Variants in SLC4A4 observed in about 807,000 individuals in gnomAD.
SLC4A4 encodes solute carrier family 4 member 4.
Under a neutral mutation model 111.5 loss-of-function variants are expected in SLC4A4, and 27 were observed. That is an observed-to-expected ratio of 0.24 (90% CI 0.18 to 0.33). The LOEUF is 0.33. Among genes scored for constraint, SLC4A4 ranks in the 10% least tolerant of loss-of-function variants. SLC4A4 has a pLI of 1.00. For synonymous variants in SLC4A4, 443 were observed against 463.4 expected (o/e 0.96, Z 0.57); for missense variants, 909 against 1,315.5 (o/e 0.69, Z 4.78).
chr4:71,510,142 C>T (rs1339022861), intron 16 of SLC4A4, among the ~76,000 whole-genome samples: 1 of 152,150 alleles, frequency 6.6e-6, no homozygotes, highest in East Asian at 1.9e-4. Context: ...CTTCTGGTAT[C>T]TCTGGTGGCT....
intron 2 of SLC4A4, among the ~76,000 whole-genome samples, chr4:71,145,228 C>T (rs945421994): frequency 1.1e-4 from 17 of 151,814 alleles, no homozygotes; most frequent in African/African-American, 3.6e-4. Flanking sequence ...GTCTTTGGTT[C>T]GTTTATATGC....
At chr4:71,093,415 G>A (rs964158630) in intron 2 of SLC4A4, among the ~76,000 whole-genome samples, 4 of 152,100 alleles carry the variant, frequency 2.6e-5, no homozygotes, top group African/African-American at 9.7e-5. Flanking sequence ...TGATCTGCCT[G>A]TCTCGGCTTC....
intron 5 of SLC4A4, among the ~76,000 whole-genome samples, chr4:71,353,429 A>G (rs1730021355): frequency 6.6e-6 from 1 of 152,210 alleles, no homozygotes; most frequent in Non-Finnish European, 1.5e-5. Context: ...CCAGATTTCC[A>G]GAAGTGGGGA....
intron 3 of SLC4A4, among the ~76,000 whole-genome samples, chr4:71,274,874 T>C (rs77489739): frequency 4.1e-4 from 62 of 152,288 alleles, no homozygotes; most frequent in African/African-American, 1.4e-3. Flanking sequence ...AATTAGTCAG[T>C]GAAAAAAGTT....
chr4:71,251,372 G>A (rs1721059129), intron 2 of SLC4A4, among the ~76,000 whole-genome samples: 1 of 152,316 alleles, frequency 6.6e-6, no homozygotes, highest in South Asian at 2.1e-4. Context: ...TAACATCATA[G>A]TACTTCCTAC....
intron 24 of SLC4A4, among the ~76,000 whole-genome samples, chr4:71,565,726 A>T (rs1657914199): frequency 6.6e-6 from 1 of 151,812 alleles, no homozygotes; most frequent in African/African-American, 2.4e-5. Context: ...TTCTTCTGCA[A>T]ATCTCTGTAA....
intron 3 of SLC4A4, among the ~76,000 whole-genome samples, chr4:71,323,328 A>G (rs1727262618): frequency 6.6e-6 from 1 of 151,954 alleles, no homozygotes; most frequent in Admixed American, 6.6e-5. Flanking sequence ...TATACATATT[A>G]TATAAGTTAA....
At chr4:71,133,217 A>G (rs1164453028) in intron 2 of SLC4A4, among the ~76,000 whole-genome samples, 1 of 152,188 alleles carries the variant, frequency 6.6e-6, no homozygotes, top group Non-Finnish European at 1.5e-5. Context: ...GGAACCATTA[A>G]GACATCTTCT....
intron 8 of SLC4A4, among the ~76,000 whole-genome samples, chr4:71,442,522 G>A (rs1324437225): frequency 6.6e-6 from 1 of 152,166 alleles, no homozygotes; most frequent in Non-Finnish European, 1.5e-5. Context: ...CTTTTTGTGT[G>A]TAGGTAATGT....
chr4:71,197,590 TC>T (rs1470901758), intron 1 of SLC4A4, among the ~76,000 whole-genome samples: 1 of 152,140 alleles, frequency 6.6e-6, no homozygotes, highest in Admixed American at 6.6e-5. Flanking sequence ...TTACTTAGCT[TC>T]CCCCAATGAA....
chr4:71,301,565 AG>A (rs1202325974), intron 3 of SLC4A4, among the ~76,000 whole-genome samples: 2 of 152,256 alleles, frequency 1.3e-5, no homozygotes. Flanking sequence ...CTCTACCTGC[AG>A]GCCCCAGCTC....
At position 71,320,052 on chromosome 4, in the gene SLC4A4, C is replaced by T. The variant is rs568440534; in HGVS notation, c.254-19318C>T. ...TAGGAATCAGCTGCTGCAAACACTT[C>T]ATTGATTACTTGGGGGAAGGATTGG... On this transcript the variant is annotated intron_variant, in intron 3 of 25. Transcript: ENST00000264485. Among the ~76,000 whole-genome samples the T allele has an allele frequency of 2.0e-5, 3 of 152,114 alleles. No individual in the cohort carries two copies. The South Asian group carries it at 6.2e-4, about 32-fold the overall frequency.
At chr4:71,119,851 C>A (rs1743369257) in intron 2 of SLC4A4, among the ~76,000 whole-genome samples, 1 of 152,176 alleles carries the variant, frequency 6.6e-6, no homozygotes, top group Non-Finnish European at 1.5e-5. Context: ...TTATATTGTG[C>A]ATTTCTTGAT....
intron 3 of SLC4A4, among the ~76,000 whole-genome samples, chr4:71,336,396 T>C (rs1728435913): frequency 6.6e-6 from 1 of 152,234 alleles, no homozygotes; most frequent in South Asian, 2.1e-4. Context: ...CTACAGTCTC[T>C]CTTGTTGTTA....
In SLC4A4 at chr4:71,330,139, C is replaced by T. The variant is rs570652049; in HGVS notation, c.254-9231C>T. On this transcript the variant is annotated intron_variant, in intron 3 of 25. Transcript: ENST00000264485. ...ATTGATTTGCATATATTGAACTATT[C>T]TTGCATCCCTGGGATAAATTTCACT... 2.7e-4 allele frequency among the ~76,000 whole-genome samples: 41 copies of T among 152,198 alleles called. No homozygotes were observed. The East Asian group carries it at 3.7e-3, about 14-fold the overall frequency.
At chr4:71,495,654 A>G (rs1379450922) in intron 15 of SLC4A4, among the ~76,000 whole-genome samples, 2 of 152,120 alleles carry the variant, frequency 1.3e-5, no homozygotes, top group Admixed American at 1.3e-4. Context: ...TTCTTTTATG[A>G]CTATATTACT....
chr4:71,490,010 A>G (rs1431125211), intron 15 of SLC4A4, among the ~76,000 whole-genome samples: 2 of 151,854 alleles, frequency 1.3e-5, no homozygotes, highest in Non-Finnish European at 2.9e-5. Flanking sequence ...CTATGTCTCA[A>G]GATAAAAAGG....
intron 16 of SLC4A4, among the ~76,000 whole-genome samples, chr4:71,523,313 T>C (rs950422914): frequency 1.3e-5 from 2 of 152,204 alleles, no homozygotes; most frequent in African/African-American, 4.8e-5. Context: ...AAAATAATTT[T>C]TAAAGTCAAA....
intron 8 of SLC4A4, among the ~76,000 whole-genome samples, chr4:71,441,393 T>A (rs1724697930): frequency 6.6e-6 from 1 of 152,198 alleles, no homozygotes; most frequent in Non-Finnish European, 1.5e-5. Flanking sequence ...AAGCTTGACC[T>A]GGGAGTGCAA....
Sources: allele counts gnomAD v4.1 joint callset (sites outside exome capture counted in the v4.1 genomes callset), GRCh38; gene constraint gnomAD v4.1.1; transcripts MANE v1.5; gene names NCBI Gene and HGNC (gene_info 2026-07-23, HGNC 2026-07-21).